The following PHACTR3 variants were observed in gnomAD, a reference collection of about 807,000 sequenced individuals.
PHACTR3 encodes the protein phosphatase and actin regulator 3.
PHACTR3 carries 16 observed loss-of-function variants against 66.8 expected under a neutral mutation model. The ratio of observed to expected loss-of-function variants is 0.24; its 90% confidence interval spans 0.16 to 0.36. PHACTR3 has a LOEUF of 0.36. Among genes scored for constraint, PHACTR3 ranks in the 10% least tolerant of loss-of-function variants. PHACTR3 has a pLI of 1.00. For missense variants in PHACTR3, 647 were observed against 719.9 expected, an observed-to-expected ratio of 0.90 and a Z score of 1.16; for synonymous variants, 323 against 292.1, an observed-to-expected ratio of 1.11 and a Z score of -1.08.
chr20:59,582,322 A>G (rs1222004317), intron 1 of PHACTR3, among the ~76,000 whole-genome samples: 1 of 152,160 alleles, frequency 6.6e-6, no homozygotes, highest in African/African-American at 2.4e-5. Context: ...AGAATATTCC[A>G]TGGCTGTTTT....
chr20:59,742,510 T>C (rs897530116), intron 1 of PHACTR3, among the ~76,000 whole-genome samples: 1 of 152,320 alleles, frequency 6.6e-6, no homozygotes, highest in African/African-American at 2.4e-5. Flanking sequence ...CTCAGAATTC[T>C]CACCGGCCTG....
intron 1 of PHACTR3, among the ~76,000 whole-genome samples, chr20:59,609,152 G>A (rs963074359): frequency 1.3e-5 from 2 of 152,166 alleles, no homozygotes; most frequent in Admixed American, 6.5e-5. Context: ...CTGCAGGGCC[G>A]GGTCCAGGTC....
intron 8 of PHACTR3, among the ~76,000 whole-genome samples, chr20:59,831,695 C>T (rs6027146): frequency 0.36 from 54,848 of 151,936 alleles, 11,197 homozygotes; most frequent in African/African-American, 0.56. Flanking sequence ...ACGTCTCTAG[C>T]GGCTCCTCGG....
chr20:59,845,380 G>T, intron 12 of PHACTR3, 115 bp downstream of exon 12: 1 of 638,236 alleles, frequency 1.6e-6, no homozygotes, highest in Admixed American at 2.9e-5. Context: ...TTTTTCCAGA[G>T]AACTCTATTG....
intron 1 of PHACTR3, chr20:59,628,914 C>G (rs1350050077): frequency 1.6e-6 from 1 of 633,800 alleles, no homozygotes; most frequent in East Asian, 1.4e-4. Flanking sequence ...GCAGAGCTTC[C>G]CTCAATGACA....
At chr20:59,599,843 C>T (rs147218106), upstream of PHACTR3, among the ~76,000 whole-genome samples, 1 of 152,262 alleles carries the variant, frequency 6.6e-6, no homozygotes, top group Non-Finnish European at 1.5e-5. Context: ...CTGGGCCAGG[C>T]TGCTGCTACC....
intron 1 of PHACTR3, among the ~76,000 whole-genome samples, chr20:59,580,859 A>G (rs1183934614): frequency 6.6e-6 from 1 of 152,204 alleles, no homozygotes; most frequent in Non-Finnish European, 1.5e-5. Context: ...ACTGAAATGG[A>G]CTAGACACAC....
At chr20:59,638,134 C>T (rs1175205215) in intron 1 of PHACTR3, among the ~76,000 whole-genome samples, 1 of 152,226 alleles carries the variant, frequency 6.6e-6, no homozygotes, top group African/African-American at 2.4e-5. Context: ...CTTCCACCAA[C>T]CAGGTGGGGT....
intron 1 of PHACTR3, among the ~76,000 whole-genome samples, chr20:59,591,058 A>T (rs1294956623): frequency 6.6e-6 from 1 of 152,142 alleles, no homozygotes; most frequent in Non-Finnish European, 1.5e-5. Flanking sequence ...CATTTTAAGC[A>T]CTCTCAACAC....
chr20:59,807,892 A>G (rs1376006673), intron 8 of PHACTR3, among the ~76,000 whole-genome samples: 1 of 152,210 alleles, frequency 6.6e-6, no homozygotes, highest in Non-Finnish European at 1.5e-5. Flanking sequence ...CAATATGTGC[A>G]CCAAGTCCAC....
At chr20:59,824,174 C>T (rs577813634) in intron 8 of PHACTR3, among the ~76,000 whole-genome samples, 13 of 152,302 alleles carry the variant, frequency 8.5e-5, no homozygotes, top group South Asian at 4.1e-4. Context: ...ATCTACCAGA[C>T]GCCGTCACAG....
At chr20:59,765,580 T>C (rs2040153260) in intron 4 of PHACTR3, among the ~76,000 whole-genome samples, 1 of 152,224 alleles carries the variant, frequency 6.6e-6, no homozygotes, top group Non-Finnish European at 1.5e-5. Context: ...GGGCTGGGAA[T>C]GAGAGTTTAA....
intron 1 of PHACTR3, among the ~76,000 whole-genome samples, chr20:59,585,721 T>C (rs6064813): frequency 0.034 from 5,201 of 152,230 alleles, 279 homozygotes; most frequent in East Asian, 0.25. Flanking sequence ...GAGGTGGGGT[T>C]GGTGGCAGGG....
chr20:59,773,816 C>T (rs1299516724), intron 6 of PHACTR3, among the ~76,000 whole-genome samples: 1 of 152,208 alleles, frequency 6.6e-6, no homozygotes, highest in African/African-American at 2.4e-5. Flanking sequence ...ATAGTTGTCA[C>T]TGGGCAAGAG....
intron 1 of PHACTR3, among the ~76,000 whole-genome samples, chr20:59,613,867 T>C (rs1274999249): frequency 6.6e-6 from 1 of 152,180 alleles, no homozygotes; most frequent in Non-Finnish European, 1.5e-5. Context: ...TATTTAACAA[T>C]ATCCAGGGAA....
intron 8 of PHACTR3, among the ~76,000 whole-genome samples, chr20:59,835,609 G>A (rs2042504096): frequency 6.6e-6 from 1 of 152,140 alleles, no homozygotes; most frequent in Non-Finnish European, 1.5e-5. Context: ...CTGGCCCAAG[G>A]ACAATATTAT....
chr20:59,805,394 TAA>T lies in PHACTR3; in HGVS notation c.1175-645_1175-644del, dbSNP rs548508480. 1.4e-4 allele frequency among the ~76,000 whole-genome samples: 22 copies of T among 152,292 alleles called. No individual in the cohort carries two copies. The South Asian group carries it at 4.6e-3, about 32-fold the overall frequency. On this transcript the variant is annotated intron_variant, in intron 7 of 12. Transcript: ENST00000371015. The stretch of plus-strand genomic sequence containing the variant: ...GGCGGGTGGGGGAAAGGCTGTCACT[TAA>T]AGTCTCTGCAGGAGACAGATGGTAA...
intron 1 of PHACTR3, among the ~76,000 whole-genome samples, chr20:59,588,994 AT>A (rs2033115924): frequency 6.6e-6 from 1 of 152,150 alleles, no homozygotes; most frequent in African/African-American, 2.4e-5. Flanking sequence ...CCAGCTGCTG[AT>A]GGCCCCCCAG....
At chr20:59,743,321 G>C in intron 2 of PHACTR3, 53 bp downstream of exon 2, 1 of 1,601,730 alleles carries the variant, frequency 6.2e-7, no homozygotes, top group Non-Finnish European at 8.5e-7. Context: ...CAGCGTCCTT[G>C]GCATGGTGCT....
Sources: gnomAD v4.1 joint callset for allele counts (sites outside exome capture counted in the v4.1 genomes callset) on GRCh38, gnomAD v4.1.1 for gene constraint, MANE v1.5 for transcripts, NCBI Gene and HGNC (gene_info 2026-07-23, HGNC 2026-07-21) for gene names.